The following PCLO variants were observed in gnomAD, a reference collection of about 807,000 sequenced individuals.
PCLO encodes piccolo presynaptic cytomatrix protein, also known as protein piccolo.
PCLO carries 82 observed loss-of-function variants against 427.5 expected under a neutral mutation model. The observed-to-expected ratio is 0.19, with a 90% CI of 0.16 to 0.23. PCLO has a LOEUF of 0.23. Among genes scored for constraint, PCLO ranks in the 10% least tolerant of loss-of-function variants. PCLO has a pLI of 1.00. For missense variants in PCLO, 6,239 were observed against 6,115.9 expected (o/e 1.02, Z -0.67); for synonymous variants, 2,357 against 2,155.4 (o/e 1.09, Z -2.59).
chr7:82,994,102 T>C (rs1026592494), intron 3 of PCLO, among the ~76,000 whole-genome samples: 10 of 152,058 alleles, frequency 6.6e-5, no homozygotes, highest in African/African-American at 2.4e-4. Flanking sequence ...AGTTTTGTCT[T>C]ACTACATGAA....
chr7:82,984,025 G>C (rs1035857605), intron 3 of PCLO, among the ~76,000 whole-genome samples: 5 of 151,922 alleles, frequency 3.3e-5, no homozygotes, highest in Admixed American at 3.3e-4. Context: ...TTAAAAAAAT[G>C]CTGTTAGATT....
chr7:83,042,003 C>T (rs1314808795), intron 3 of PCLO, among the ~76,000 whole-genome samples: 1 of 151,986 alleles, frequency 6.6e-6, no homozygotes, highest in Non-Finnish European at 1.5e-5. Flanking sequence ...ATGATTCAAG[C>T]CAAATTCATT....
intron 3 of PCLO, among the ~76,000 whole-genome samples, chr7:83,038,091 A>G (rs1242703012): frequency 8.7e-6 from 1 of 114,788 alleles, no homozygotes; most frequent in East Asian, 2.3e-4. Flanking sequence ...ATATCTTTAT[A>G]TATATATATT....
rs777690826 is a variant in PCLO, at chr7:82,950,836, A to G, written c.9752T>C (p.Ile3251Thr). The change falls in exon 6 of 25, where the codon ATC becomes ACC. Residue 3251 changes from isoleucine to threonine, a missense_variant. Physicochemically the swap from Ile to Thr is moderately conservative, Grantham distance 89 (BLOSUM62 -1). Coordinates refer to ENST00000333891, the MANE Select transcript of PCLO (RefSeq NM_033026.6). ...CTCCTCCAACTTTTTCTGAACCATG[A>G]TCTTTTCTTGTTCTCGGAACCTTTG... ...EIQRFREQEK[I>T]MVQKKLEELQ... is the part of the protein sequence containing the mutation. 6.2e-6 allele frequency: 10 copies of G among 1,613,474 alleles called. No homozygotes were observed. Among genetic ancestry groups the G allele is most frequent in the Middle Eastern group, 1.6e-4 (1 of 6,082 alleles).
intron 4 of PCLO, among the ~76,000 whole-genome samples, chr7:82,962,587 A>G (rs964329186): frequency 3.4e-4 from 52 of 152,152 alleles, no homozygotes; most frequent in African/African-American, 1.3e-3. Flanking sequence ...ATAATAAAAT[A>G]GTTTAAGAAT....
At chr7:82,867,833 A>G (rs1195454560) in intron 10 of PCLO, among the ~76,000 whole-genome samples, 2 of 152,154 alleles carry the variant, frequency 1.3e-5, no homozygotes, top group African/African-American at 4.8e-5. Flanking sequence ...TTCAAAATAA[A>G]TGGATAAAGA....
Position 83,142,841 on chromosome 7 carries a change from C to G in PCLO, c.1894-7185G>C, listed in dbSNP as rs150710924. On this transcript the variant is annotated intron_variant, in intron 2 of 24. Coordinates refer to ENST00000333891, the MANE Select transcript of PCLO (RefSeq NM_033026.6). ...CGGCATGCTGGCATGTGCCTGTAAT[C>G]CCAGCTACTCGGGAGGCTGAGGCAG... Among the ~76,000 whole-genome samples, 530 of 152,212 alleles carry G rather than the reference C, an allele frequency of 3.5e-3. 1 individual carries two copies. The highest frequency in any genetic ancestry group is 0.012 in the African/African-American group (496 of 41,526).
At chr7:82,821,278 A>G in intron 20 of PCLO, 2 of 986,606 alleles carry the variant, frequency 2.0e-6, no homozygotes, top group Non-Finnish European at 2.4e-6. Flanking sequence ...GATTAGACTG[A>G]CCGCTTTTAT....
At chr7:83,156,446 T>TTCA in intron 1 of PCLO, 54 bp from the exon 2 acceptor site, 1 of 1,174,744 alleles carries the variant, frequency 8.5e-7, no homozygotes, top group Non-Finnish European at 1.2e-6. Context: ...GGAAATTATT[T>TTCA]CAAATCAAAG....
intron 2 of PCLO, among the ~76,000 whole-genome samples, chr7:83,138,178 A>T (rs1791775177): frequency 6.6e-6 from 1 of 152,244 alleles, no homozygotes; most frequent in South Asian, 2.1e-4. Flanking sequence ...AATACCTATT[A>T]CGTGCAAGAT....
Position 83,155,531 on chromosome 7 carries a change from C to A in PCLO, c.1110G>T (p.Lys370Asn), listed in dbSNP as rs746147472. 24 of 1,612,704 alleles carry A rather than the reference C, an allele frequency of 1.5e-5. No individual in the cohort carries two copies. The Admixed American group carries it at 3.7e-4, about 25-fold the overall frequency. The change falls in exon 2 of 25, where the codon AAG becomes AAT. Residue 370 changes from lysine (K) to asparagine (N), a missense_variant. Physicochemically the swap from Lys to Asn is moderately conservative, Grantham distance 94. Transcript: ENST00000333891. ...KPPAQPLGPAKPPAQQTGSEK... is the reference protein window; with the variant it reads ...KPPAQPLGPANPPAQQTGSEK... ...CTGACCCAGTCTGCTGAGCTGGAGG[C>A]TTAGCAGGACCAAGAGGCTGAGCTG...
chr7:82,768,432 A>G (rs995740057), intron 22 of PCLO, among the ~76,000 whole-genome samples: 11 of 152,016 alleles, frequency 7.2e-5, no homozygotes, highest in Admixed American at 1.3e-4. Flanking sequence ...CAAAAAAAAA[A>G]AAAAAGTATT....
At chr7:83,107,686 T>C (rs1026194472) in intron 3 of PCLO, among the ~76,000 whole-genome samples, 2 of 90,108 alleles carry the variant, frequency 2.2e-5, no homozygotes, top group African/African-American at 8.9e-5. Context: ...AGTGTGCACA[T>C]ATATAGAGAG....
chr7:83,152,896 A>G (rs564420370), intron 2 of PCLO, among the ~76,000 whole-genome samples: 118 of 152,260 alleles, frequency 7.7e-4, no homozygotes, highest in African/African-American at 2.6e-3. Context: ...AGTTATCTTT[A>G]TATCTCACCA....
At chr7:82,783,810 A>G (rs182922967) in intron 22 of PCLO, among the ~76,000 whole-genome samples, 173 of 152,182 alleles carry the variant, frequency 1.1e-3, no homozygotes, top group African/African-American at 3.8e-3. Context: ...AGATGAAGCC[A>G]ATAGGGTAAT....
At chr7:82,854,735 A>G (rs1792757441) in intron 10 of PCLO, among the ~76,000 whole-genome samples, 1 of 152,182 alleles carries the variant, frequency 6.6e-6, no homozygotes, top group African/African-American at 2.4e-5. Context: ...ATCTTTTTAA[A>G]TCGCTCAGAG....
chr7:82,938,050 A>G (rs2116367994), intron 6 of PCLO, among the ~76,000 whole-genome samples: 1 of 152,042 alleles, frequency 6.6e-6, no homozygotes, highest in Middle Eastern at 3.4e-3. Context: ...AGTCAATAAC[A>G]GGACATTTAA....
intron 3 of PCLO, among the ~76,000 whole-genome samples, chr7:83,055,962 T>C (rs893681016): frequency 6.6e-6 from 1 of 152,154 alleles, no homozygotes; most frequent in Non-Finnish European, 1.5e-5. Context: ...TTTTAATACA[T>C]AGTTTATAGC....
chr7:83,045,428 C>T (rs1010817290), intron 3 of PCLO, among the ~76,000 whole-genome samples: 5 of 152,118 alleles, frequency 3.3e-5, no homozygotes, highest in African/African-American at 1.2e-4. Context: ...AGCTAAAATG[C>T]CTTCTGCTCC....
Sources: gnomAD v4.1 joint callset for allele counts (sites outside exome capture counted in the v4.1 genomes callset) on GRCh38, gnomAD v4.1.1 for gene constraint, MANE v1.5 for transcripts, NCBI Gene and HGNC (gene_info 2026-07-23, HGNC 2026-07-21) for gene names.